MTAP: variants seen among roughly 807,000 people sequenced by gnomAD.
MTAP encodes the protein methylthioadenosine phosphorylase, also known as S-methyl-5'-thioadenosine phosphorylase.
In MTAP, 33 loss-of-function variants were observed where a neutral mutation model predicts 33.6. The observed-to-expected ratio is 0.98, with a 90% CI of 0.74 to 1.31. The LOEUF is 1.31. MTAP is among the 40% of genes most tolerant of loss of function. The pLI, the probability that MTAP is intolerant of heterozygous loss-of-function variation, is 0.00. For missense variants in MTAP, 367 were observed against 360.0 expected, an observed-to-expected ratio of 1.02 and a Z score of -0.16; for synonymous variants, 148 against 125.7, an observed-to-expected ratio of 1.18 and a Z score of -1.19.
At chr9:21,844,895 G>A (rs563503689) in intron 5 of MTAP, among the ~76,000 whole-genome samples, 1 of 152,286 alleles carries the variant, frequency 6.6e-6, no homozygotes, top group South Asian at 2.1e-4. Flanking sequence ...AGCCGGGCAT[G>A]GTAGCGGGCG....
At chr9:21,939,589 C>T (rs1280873875), downstream of MTAP, among the ~76,000 whole-genome samples, 3 of 152,034 alleles carry the variant, frequency 2.0e-5, no homozygotes, top group African/African-American at 4.8e-5. Context: ...CTGGGCTGGG[C>T]GCAGTATCTC....
At chr9:21,931,991 A>G (rs1156839109), downstream of MTAP, 1 of 152,100 alleles carries the variant, frequency 6.6e-6, no homozygotes, top group African/African-American at 2.4e-5. Flanking sequence ...TGATTATGCC[A>G]CTGCTCTCCA....
intron 4 of MTAP, among the ~76,000 whole-genome samples, chr9:21,826,076 T>C (rs1824790891): frequency 6.6e-6 from 1 of 152,324 alleles, no homozygotes; most frequent in East Asian, 1.9e-4. Flanking sequence ...AACATTTTTT[T>C]CCTATCTATA....
At chr9:21,856,927 T>G (rs1460260667) in intron 6 of MTAP, among the ~76,000 whole-genome samples, 4 of 151,966 alleles carry the variant, frequency 2.6e-5, no homozygotes, top group South Asian at 2.1e-4. Context: ...GGGTGAGGAG[T>G]GGAGGTTGTT....
chr9:21,924,632 C>T (rs1818837803), intron 1 of MTAP, among the ~76,000 whole-genome samples: 1 of 152,184 alleles, frequency 6.6e-6, no homozygotes, highest in African/African-American at 2.4e-5. Context: ...ATTGGGTTTA[C>T]CCAGGGCTCA....
In MTAP at chr9:21,813,660, G is replaced by C. The variant is rs535488106; in HGVS notation, c.34-1773G>C. 149 of 152,346 alleles carry C rather than the reference G, an allele frequency of 9.8e-4. 1 individual carries two copies. The highest frequency in any genetic ancestry group is 3.5e-3 in the African/African-American group (147 of 41,576). The allele number at this position is 152,346 out of a possible 1,614,324, so 9.4% of individuals were successfully genotyped here. On this transcript the variant is annotated intron_variant, in intron 1 of 7. Coordinates refer to ENST00000644715, the MANE Select transcript of MTAP (RefSeq NM_002451.4). ...GATGCCCTGGCTCAGGGAACACCCA[G>C]AAACAGCCAGGCCAAAGTGGTGATA...
At chr9:21,894,326 C>G (rs913663154) in intron 1 of MTAP, among the ~76,000 whole-genome samples, 1 of 151,908 alleles carries the variant, frequency 6.6e-6, no homozygotes, top group Non-Finnish European at 1.5e-5. Context: ...TGGAAGCATT[C>G]CCCGTGAGAA....
chr9:21,820,293 T>A (rs1824599371), intron 4 of MTAP, among the ~76,000 whole-genome samples: 1 of 152,370 alleles, frequency 6.6e-6, no homozygotes, highest in Middle Eastern at 3.4e-3. Context: ...ATTTAAGTCT[T>A]TAATCTATCT....
At chr9:21,914,716 GCACATGTA>G (rs1411386820) in intron 1 of MTAP, among the ~76,000 whole-genome samples, 1 of 151,564 alleles carries the variant, frequency 6.6e-6, no homozygotes, top group Admixed American at 6.6e-5. Context: ...CACCAACATG[GCACATGTA>G]CACATATGTA....
At chr9:21,817,196 G>T (rs1306346953) in intron 3 of MTAP, among the ~76,000 whole-genome samples, 2 of 152,198 alleles carry the variant, frequency 1.3e-5, no homozygotes, top group Non-Finnish European at 2.9e-5. Context: ...TCCTTAAGGA[G>T]GCTGGTGCTG....
chr9:21,896,579 C>T (rs1186582065), intron 1 of MTAP, among the ~76,000 whole-genome samples: 5 of 152,074 alleles, frequency 3.3e-5, no homozygotes, highest in Non-Finnish European at 7.4e-5. Context: ...CACAGAAAAA[C>T]AAACTACCAT....
chr9:21,818,403 C>G (rs1824541540), intron 4 of MTAP, among the ~76,000 whole-genome samples: 1 of 136,256 alleles, frequency 7.3e-6, no homozygotes, highest in Admixed American at 8.2e-5. Context: ...ACTCAGCTCA[C>G]TGAAACCTCC....
Position 21,876,889 on chromosome 9 carries a change from G to T in MTAP, c.147+22019G>T, listed in dbSNP as rs1365015611. 2.0e-5 allele frequency among the ~76,000 whole-genome samples: 3 copies of T among 151,738 alleles called. No homozygotes were observed. In the East Asian group the frequency reaches 5.8e-4, roughly 29 times the overall value. ...ATGTGAATTAAAAAAAAAAATTTCT[G>T]TGAAGAATTGTCATTGGTAGTTTGA... On this transcript the variant is annotated intron_variant, in intron 1 of 1. Transcript: ENST00000577563.
chr9:21,862,278 CA>C lies in MTAP; in HGVS notation c.*265del, dbSNP rs1175447105. On this transcript the variant is annotated 3_prime_UTR_variant, in exon 8 of 8. Coordinates refer to ENST00000644715, the MANE Select transcript of MTAP (RefSeq NM_002451.4). ...TTTTAAGGGGGAAAAAAAAACCCAC[CA>C]TTCTCTTCTCCCCCTATTAAATTTG... 4.3e-6 allele frequency: 3 copies of C among 693,606 alleles called. No homozygotes were observed. The East Asian group carries it at 1.4e-4, about 32-fold the overall frequency. The allele number at this position is 693,606 out of a possible 1,614,324, so 43.0% of individuals were successfully genotyped here.
Position 21,922,913 on chromosome 9 carries a change from A to G in MTAP, c.148-8095A>G, listed in dbSNP as rs117576622. Among the ~76,000 whole-genome samples the G allele has an allele frequency of 8.4e-3, 1,273 of 152,272 alleles. 5 individuals carry two copies. The highest frequency in any genetic ancestry group is 0.014 in the Non-Finnish European group (931 of 68,020). On this transcript the variant is annotated intron_variant, in intron 1 of 1. Transcript: ENST00000577563. The surrounding 1 kb of genome is among the most constrained non-coding windows in gnomAD (Gnocchi z 4.8). ...GTAGGGCTAAAGCCTAACACTGTGC[A>G]ATGTCTGCAATTTCCTCTGCTTTTT...
In MTAP at chr9:21,862,274, C is replaced by T. The variant is rs1465879770; in HGVS notation, c.*260C>T. ...TACATTTTAAGGGGGAAAAAAAAACCCACCATTCTCTTCTCCCCCTATTAA... is the reference window on the plus strand; with the variant it reads ...TACATTTTAAGGGGGAAAAAAAAACTCACCATTCTCTTCTCCCCCTATTAA... On this transcript the variant is annotated 3_prime_UTR_variant, in exon 8 of 8. Coordinates refer to ENST00000644715, the MANE Select transcript of MTAP (RefSeq NM_002451.4). The T allele has an allele frequency of 4.0e-6, 3 of 747,364 alleles. No homozygotes were observed. In the African/African-American group the frequency reaches 5.6e-5, roughly 14 times the overall value. 46.3% of individuals were successfully genotyped at this position (747,364 alleles called of 1,614,324 possible). A position where few individuals can be genotyped will look rare whatever the true frequency, so the allele number is the denominator to read the frequency against.
intron 5 of MTAP, among the ~76,000 whole-genome samples, chr9:21,844,648 AT>A (rs1352211150): frequency 6.6e-6 from 1 of 152,242 alleles, no homozygotes; most frequent in South Asian, 2.1e-4. Context: ...ATCTCAATAG[AT>A]GCAGAAAAAG....
intron 4 of MTAP, among the ~76,000 whole-genome samples, chr9:21,829,784 G>A (rs1041747249): frequency 1.3e-5 from 2 of 152,170 alleles, no homozygotes; most frequent in African/African-American, 2.4e-5. Context: ...ACCAACCTCA[G>A]ATTTAAGAAA....
intron 1 of MTAP, among the ~76,000 whole-genome samples, chr9:21,906,537 T>C (rs1284255213): frequency 1.3e-5 from 2 of 151,890 alleles, no homozygotes; most frequent in African/African-American, 4.8e-5. Flanking sequence ...AGGGCTGACA[T>C]AAAATCTACT....
Sources: allele counts gnomAD v4.1 joint callset (sites outside exome capture counted in the v4.1 genomes callset), GRCh38; gene constraint gnomAD v4.1.1; non-coding constraint Gnocchi (gnomAD v3.1); transcripts MANE v1.5; gene names NCBI Gene and HGNC (gene_info 2026-07-23, HGNC 2026-07-21).